Variants in PXDNL observed in about 807,000 individuals in gnomAD.
The protein encoded by PXDNL is probable oxidoreductase PXDNL.
A neutral mutation model predicts 150.8 loss-of-function variants in PXDNL; 145 were observed. That is an observed-to-expected ratio of 0.96 (90% confidence interval 0.84 to 1.10). The LOEUF is 1.10. Ranked by LOEUF, PXDNL falls within the 50% of genes least tolerant of loss-of-function variation. The pLI, the probability that PXDNL is intolerant of heterozygous loss-of-function variation, is 0.00. For missense variants in PXDNL, 2,087 were observed against 1,873.9 expected (o/e 1.11, Z -2.10); for synonymous variants, 757 against 725.7 (o/e 1.04, Z -0.69).
At chr8:51,521,748 T>G (rs1044829925) in intron 4 of PXDNL, among the ~76,000 whole-genome samples, 11 of 151,842 alleles carry the variant, frequency 7.2e-5, no homozygotes, top group African/African-American at 2.7e-4. Context: ...ATCCTTGAAG[T>G]CAGTCAAAAG....
intron 1 of PXDNL, among the ~76,000 whole-genome samples, chr8:51,782,551 A>G (rs1228187581): frequency 6.6e-6 from 1 of 152,250 alleles, no homozygotes; most frequent in Non-Finnish European, 1.5e-5. Context: ...GGCACATAGT[A>G]GTCACTGATA....
At position 51,331,193 on chromosome 8, in the gene PXDNL, G is replaced by A. The variant is rs180709325; in HGVS notation, c.4146+8431C>T. Among the ~76,000 whole-genome samples, 27 of 152,244 alleles carry A rather than the reference G, an allele frequency of 1.8e-4. 1 individual carries two copies. Among genetic ancestry groups the A allele is most frequent in the African/African-American group, 6.3e-4 (26 of 41,552 alleles). The stretch of plus-strand genomic sequence containing the variant: ...TGGGAAAAGGAAACCCTCCTTTCCC[G>A]GACACACACCCCCACTGGAGAAGCT... On this transcript the variant is annotated intron_variant, in intron 21 of 22. Coordinates refer to ENST00000356297, the MANE Select transcript of PXDNL (RefSeq NM_144651.5).
rs952024990 is a variant in PXDNL at position 51,437,673 on chromosome 8, T to C, written c.1525+9331A>G. Among the ~76,000 whole-genome samples, 4 of 152,286 alleles carry C rather than the reference T, an allele frequency of 2.6e-5. No individual in the cohort carries two copies. The South Asian group carries it at 6.2e-4, about 24-fold the overall frequency. Reference sequence around the variant, plus strand: ...ACTAAAACCCTCACCAAAATTTGCATAGAAGGGAAATATCCTAAGGTAATA... The same window carrying C: ...ACTAAAACCCTCACCAAAATTTGCACAGAAGGGAAATATCCTAAGGTAATA... On this transcript the variant is annotated intron_variant, in intron 12 of 22. Coordinates refer to ENST00000356297, the MANE Select transcript of PXDNL (RefSeq NM_144651.5).
intron 4 of PXDNL, among the ~76,000 whole-genome samples, chr8:51,520,424 T>C (rs1178554398): frequency 1.3e-5 from 2 of 151,878 alleles, no homozygotes; most frequent in Non-Finnish European, 2.9e-5. Context: ...GGCCAATCAC[T>C]CCACGCCGCA....
At chr8:51,674,093 TTAATA>T (rs1563502870) in intron 1 of PXDNL, among the ~76,000 whole-genome samples, 2 of 152,230 alleles carry the variant, frequency 1.3e-5, no homozygotes, top group Non-Finnish European at 2.9e-5. Flanking sequence ...TTTCATCTCT[TTAATA>T]CTCAGTGCCT....
intron 3 of PXDNL, among the ~76,000 whole-genome samples, chr8:51,572,087 C>A (rs987814199): frequency 1.0e-4 from 13 of 124,646 alleles, no homozygotes; most frequent in Admixed American, 6.3e-4. Context: ...TTTCTACTTA[C>A]AACATTTTAA....
intron 2 of PXDNL, among the ~76,000 whole-genome samples, chr8:51,637,069 C>T (rs1300244018): frequency 6.6e-6 from 1 of 152,254 alleles, no homozygotes; most frequent in Non-Finnish European, 1.5e-5. Context: ...ACTGCTAATT[C>T]CCAGGCAAAC....
chr8:51,676,157 T>C (rs1815617607), intron 1 of PXDNL, among the ~76,000 whole-genome samples: 1 of 152,194 alleles, frequency 6.6e-6, no homozygotes, highest in Non-Finnish European at 1.5e-5. Flanking sequence ...TTACTGATGT[T>C]GTTATCTTTA....
Position 51,408,278 on chromosome 8 carries a change from A to C in PXDNL, c.3346T>G (p.Tyr1116Asp). The C allele has an allele frequency of 6.2e-7, 1 of 1,613,956 alleles. No homozygotes were observed. The highest frequency in any genetic ancestry group is 8.5e-7 in the Non-Finnish European group (1 of 1,179,862). Reference protein sequence around the residue: ...GVAAKWRAPSYLLSPELTQRL... With the variant: ...GVAAKWRAPSDLLSPELTQRL... The stretch of plus-strand genomic sequence containing the variant: ...TGGGTCAGCTCAGGACTGAGAAGGT[A>C]GGAGGGTGCCCGCCATTTAGCAGCC... Residue 1116 changes from tyrosine (Y) to aspartate (D), a missense_variant, in exon 17 of 23, where the codon TAC (tyrosine) becomes GAC (aspartate). Transcript: ENST00000356297.
At chr8:51,470,525 C>T (rs1276269073) in intron 8 of PXDNL, among the ~76,000 whole-genome samples, 3 of 151,958 alleles carry the variant, frequency 2.0e-5, no homozygotes, top group Non-Finnish European at 4.4e-5. Flanking sequence ...TTATCATTAC[C>T]ATAACTAATG....
chr8:51,409,150 C>A lies in PXDNL; in HGVS notation c.2474G>T (p.Arg825Leu), dbSNP rs758419372. Reference protein sequence around the residue: ...DHTVPALSTARFSDGRPCSSV... With the variant: ...DHTVPALSTALFSDGRPCSSV... ...GCTGCACGGCCGCCCATCCGAGAAGCGGGCTGTGCTCAGCGCAGGCACTGT... is the reference window on the plus strand; with the variant it reads ...GCTGCACGGCCGCCCATCCGAGAAGAGGGCTGTGCTCAGCGCAGGCACTGT... Residue 825 changes from arginine (R) to leucine (L), a missense_variant, in exon 17 of 23, where the codon CGC becomes CTC. Physicochemically the swap from Arg to Leu is moderately radical, Grantham distance 102. Transcript: ENST00000356297. 2 of 1,603,084 alleles carry A rather than the reference C, an allele frequency of 1.2e-6. No homozygotes were observed. Among genetic ancestry groups the A allele is most frequent in the East Asian group, 4.5e-5 (2 of 44,654 alleles).
At chr8:51,386,100 T>A (rs1390522474) in intron 17 of PXDNL, among the ~76,000 whole-genome samples, 4 of 151,720 alleles carry the variant, frequency 2.6e-5, no homozygotes, top group African/African-American at 9.7e-5. Context: ...ATTCATTCTT[T>A]TTTTTTTTTG....
intron 8 of PXDNL, among the ~76,000 whole-genome samples, chr8:51,470,599 T>C (rs1334212374): frequency 1.3e-5 from 2 of 152,096 alleles, no homozygotes; most frequent in Non-Finnish European, 2.9e-5. Flanking sequence ...TTAATGTTTC[T>C]ATTTTATGTT....
At chr8:51,754,948 C>T in intron 1 of PXDNL, among the ~76,000 whole-genome samples, 1 of 152,156 alleles carries the variant, frequency 6.6e-6, no homozygotes, top group Non-Finnish European at 1.5e-5. Flanking sequence ...GCCTCAAACT[C>T]CTGGCCTCAC....
intron 4 of PXDNL, among the ~76,000 whole-genome samples, chr8:51,552,405 A>T (rs191131930): frequency 1.1e-4 from 17 of 152,320 alleles, no homozygotes; most frequent in Non-Finnish European, 2.1e-4. Context: ...CACAATTTGC[A>T]ATTGCAAAAA....
At chr8:51,510,305 C>T (rs1811385263) in intron 4 of PXDNL, among the ~76,000 whole-genome samples, 1 of 152,144 alleles carries the variant, frequency 6.6e-6, no homozygotes. Context: ...ACTCATCTCA[C>T]CTAGTTCTAG....
In PXDNL at chr8:51,374,580, A is replaced by T. The variant is rs1226929008; in HGVS notation, c.3692+17T>A. 6.2e-7 allele frequency: 1 copy of T among 1,613,206 alleles called. No homozygotes were observed. Among genetic ancestry groups the T allele is most frequent in the African/African-American group, 1.3e-5 (1 of 74,914 alleles). ...AACTTTTGTGATATTTAATAAGTAT[A>T]ACAGATAATCATTCACCTATCTCCA... On this transcript the variant is annotated intron_variant, in intron 18 of 22. Transcript: ENST00000356297.
At chr8:51,597,778 G>A (rs13253025) in intron 2 of PXDNL, among the ~76,000 whole-genome samples, 12,713 of 150,954 alleles carry the variant, frequency 0.084, 618 homozygotes, top group South Asian at 0.095. Flanking sequence ...ACAATGGTGC[G>A]ATCATAGCTC....
chr8:51,693,241 C>A (rs111554471), intron 1 of PXDNL, among the ~76,000 whole-genome samples: 1 of 152,048 alleles, frequency 6.6e-6, no homozygotes, highest in African/African-American at 2.4e-5. Context: ...GTAAACAGTC[C>A]AATTTGTTCA....
Sources: allele counts gnomAD v4.1 joint callset (sites outside exome capture counted in the v4.1 genomes callset), GRCh38; gene constraint gnomAD v4.1.1; transcripts MANE v1.5; gene names NCBI Gene and HGNC (gene_info 2026-07-23, HGNC 2026-07-21).